Variants in TBC1D5 observed in about 807,000 individuals in gnomAD.
TBC1D5 encodes the protein TBC1 domain family, member 5.
Under a neutral mutation model 100.3 loss-of-function variants are expected in TBC1D5, and 75 were observed. The ratio of observed to expected loss-of-function variants is 0.75; its 90% CI spans 0.62 to 0.91. The LOEUF (loss-of-function observed/expected upper bound fraction) is 0.91. Among genes scored for constraint, TBC1D5 ranks in the 40% least tolerant of loss-of-function variants. The pLI is 0.00. For synonymous variants in TBC1D5, 323 were observed against 325.6 expected (o/e 0.99, Z 0.09); for missense variants, 910 against 942.4 (o/e 0.97, Z 0.45).
intron 1 of TBC1D5, among the ~76,000 whole-genome samples, chr3:17,659,664 T>G (rs2066457584): frequency 6.6e-6 from 1 of 152,160 alleles, no homozygotes; most frequent in Non-Finnish European, 1.5e-5. Context: ...CTTTCATTCT[T>G]CAGGAAAACA....
intron 3 of TBC1D5, among the ~76,000 whole-genome samples, chr3:17,454,261 T>C (rs2094996574): frequency 6.6e-6 from 1 of 151,996 alleles, no homozygotes; most frequent in African/African-American, 2.4e-5. Flanking sequence ...GTACTGGATG[T>C]CCAAGCTTGG....
chr3:17,232,677 C>T (rs1338128834), intron 17 of TBC1D5, among the ~76,000 whole-genome samples: 5 of 152,066 alleles, frequency 3.3e-5, no homozygotes, highest in Non-Finnish European at 5.9e-5. Flanking sequence ...TGAAAGCTTA[C>T]TCCTCTATTG....
At chr3:17,523,254 A>G (rs1480461240) in intron 2 of TBC1D5, among the ~76,000 whole-genome samples, 9 of 152,198 alleles carry the variant, frequency 5.9e-5, no homozygotes, top group Non-Finnish European at 1.3e-4. Context: ...AACTCATTTT[A>G]AGATATCCTA....
chr3:17,579,549 A>C (rs913297875), intron 2 of TBC1D5, among the ~76,000 whole-genome samples: 83 of 152,120 alleles, frequency 5.5e-4, no homozygotes, highest in African/African-American at 1.9e-3. Flanking sequence ...AGAGAAGGTG[A>C]AACAAATTTT....
chr3:17,391,907 T>C (rs963542154), intron 8 of TBC1D5, among the ~76,000 whole-genome samples: 5 of 152,140 alleles, frequency 3.3e-5, no homozygotes, highest in Admixed American at 1.3e-4. Context: ...GGTTTATTTA[T>C]GTTACTTATA....
At chr3:17,265,761 C>A (rs2078778924) in intron 15 of TBC1D5, among the ~76,000 whole-genome samples, 1 of 152,064 alleles carries the variant, frequency 6.6e-6, no homozygotes, top group Non-Finnish European at 1.5e-5. Flanking sequence ...TGCAGAGATG[C>A]CATGGCACGC....
At chr3:17,660,817 T>C (rs1174523247) in intron 1 of TBC1D5, among the ~76,000 whole-genome samples, 1 of 152,200 alleles carries the variant, frequency 6.6e-6, no homozygotes, top group Non-Finnish European at 1.5e-5. Context: ...GGAGTTTCTG[T>C]TATTAAAAGG....
upstream of TBC1D5, among the ~76,000 whole-genome samples, chr3:17,741,539 C>T (rs2077434183): frequency 6.6e-6 from 1 of 152,166 alleles, no homozygotes; most frequent in Non-Finnish European, 1.5e-5. Flanking sequence ...CAACCTGGTC[C>T]AAACGTGTGA....
At chr3:17,538,268 A>G (rs1175438944) in intron 2 of TBC1D5, among the ~76,000 whole-genome samples, 3 of 151,774 alleles carry the variant, frequency 2.0e-5, no homozygotes, top group Non-Finnish European at 4.4e-5. Flanking sequence ...CTCCTAACAG[A>G]TAGAAAACAC....
intron 15 of TBC1D5, among the ~76,000 whole-genome samples, chr3:17,286,799 G>A (rs1195561286): frequency 6.6e-6 from 1 of 152,176 alleles, no homozygotes; most frequent in Non-Finnish European, 1.5e-5. Context: ...ATGGAAAGGT[G>A]GTCTGAGGAT....
Position 17,573,975 on chromosome 3 carries a change from T to G in TBC1D5, c.-36+49874A>C, listed in dbSNP as rs146675866. Among the ~76,000 whole-genome samples, 1,506 of 152,102 alleles carry G rather than the reference T, an allele frequency of 9.9e-3. 28 individuals carry two copies. The highest frequency in any genetic ancestry group is 0.034 in the African/African-American group (1,411 of 41,518). ...ACTGCCACAGTACGTAAAAAGTACT[T>G]CATGGAAAGAAGTTTAAAAAGGAAG... On this transcript the variant is annotated intron_variant, in intron 2 of 21. Coordinates refer to ENST00000253692, the Ensembl canonical transcript of TBC1D5.
intron 15 of TBC1D5, among the ~76,000 whole-genome samples, chr3:17,272,211 T>A (rs2470347): frequency 0.42 from 63,593 of 152,032 alleles, 14,020 homozygotes; most frequent in Middle Eastern, 0.5. Flanking sequence ...TTAATGATTA[T>A]TGATATCTAG....
In TBC1D5 at chr3:17,317,803, G is replaced by A. The variant is rs780072988; in HGVS notation, c.996-9669C>T. Among the ~76,000 whole-genome samples the A allele has an allele frequency of 2.6e-5, 4 of 152,168 alleles. No individual in the cohort carries two copies. In the East Asian group the frequency reaches 7.8e-4, roughly 30 times the overall value. ...TGGACTGTAAACTAGTTCAACCATT[G>A]TGGAAGTCGGTGTGGCGATTCCTCA... On this transcript the variant is annotated intron_variant, in intron 13 of 21. Coordinates refer to ENST00000253692, the Ensembl canonical transcript of TBC1D5.
intron 13 of TBC1D5, among the ~76,000 whole-genome samples, chr3:17,370,910 A>T (rs1313900153): frequency 1.3e-5 from 2 of 152,208 alleles, no homozygotes; most frequent in Admixed American, 1.3e-4. Context: ...CAAGCTTTAC[A>T]TAAAGTATCT....
chr3:17,285,323 C>T (rs932696914), intron 15 of TBC1D5, among the ~76,000 whole-genome samples: 4 of 136,416 alleles, frequency 2.9e-5, no homozygotes, highest in Non-Finnish European at 6.1e-5. Flanking sequence ...TGCAGTGGCG[C>T]GATCTCGGCT....
At chr3:17,684,207 C>A (rs1282475518) in intron 1 of TBC1D5, among the ~76,000 whole-genome samples, 1 of 151,912 alleles carries the variant, frequency 6.6e-6, no homozygotes, top group Non-Finnish European at 1.5e-5. Flanking sequence ...ATATGTATGA[C>A]ACACACATTT....
chr3:17,731,900 ATTCTGTTGCAG>A (rs1338755597), intron 1 of TBC1D5, among the ~76,000 whole-genome samples: 4 of 152,260 alleles, frequency 2.6e-5, no homozygotes, highest in Non-Finnish European at 5.9e-5. Flanking sequence ...AAGAAGGTAA[ATTCTGTTGCAG>A]ACTTACTAAA....
At chr3:17,247,501 C>T (rs1452916381) in intron 16 of TBC1D5, among the ~76,000 whole-genome samples, 1 of 152,124 alleles carries the variant, frequency 6.6e-6, no homozygotes, top group Non-Finnish European at 1.5e-5. Flanking sequence ...TTTAGTGAGT[C>T]TTAAGCTTTT....
chr3:17,284,828 T>C (rs1321567916), intron 15 of TBC1D5, among the ~76,000 whole-genome samples: 1 of 152,172 alleles, frequency 6.6e-6, no homozygotes, highest in Admixed American at 6.5e-5. Flanking sequence ...TCAAAAAGTC[T>C]TTATTTCTGA....
Sources: gnomAD v4.1 joint callset for allele counts (sites outside exome capture counted in the v4.1 genomes callset) on GRCh38, gnomAD v4.1.1 for gene constraint, MANE v1.5 for transcripts, NCBI Gene and HGNC (gene_info 2026-07-23, HGNC 2026-07-21) for gene names.